The following MEGF6 variants were observed in gnomAD, a reference collection of about 807,000 sequenced individuals.
MEGF6 encodes multiple EGF like domains 6.
Under a neutral mutation model 207.1 loss-of-function variants are expected in MEGF6, and 184 were observed. That is an observed-to-expected ratio of 0.89 (90% CI 0.79 to 1.00). The LOEUF (loss-of-function observed/expected upper bound fraction) is 1.00. Ranked by LOEUF, MEGF6 falls within the 50% of genes least tolerant of loss-of-function variation. The pLI is 0.00. For synonymous variants in MEGF6, 1,038 were observed against 910.0 expected, an observed-to-expected ratio of 1.14 and a Z score of -2.53; for missense variants, 2,282 against 2,202.9, an observed-to-expected ratio of 1.04 and a Z score of -0.72.
At chr1:3,577,531 G>T (rs548279896) in intron 4 of MEGF6, among the ~76,000 whole-genome samples, 133 of 152,348 alleles carry the variant, frequency 8.7e-4, no homozygotes, top group African/African-American at 3.1e-3. Context: ...GTGTGGAGCT[G>T]ATGAGGTGAC....
chr1:3,516,410 T>C (rs1353514840), intron 5 of MEGF6, among the ~76,000 whole-genome samples: 1 of 152,212 alleles, frequency 6.6e-6, no homozygotes, highest in Admixed American at 6.5e-5. Context: ...GCCGCAAGAA[T>C]GTGCTGTTGC....
intron 4 of MEGF6, among the ~76,000 whole-genome samples, chr1:3,559,899 T>C (rs952330195): frequency 4.6e-5 from 7 of 151,440 alleles, no homozygotes; most frequent in Non-Finnish European, 5.9e-5. Context: ...TAATCCCAGC[T>C]ACTCGGGGGG....
intron 28 of MEGF6, 100 bp downstream of exon 28, chr1:3,496,888 C>T (rs1315716216): frequency 2.6e-6 from 4 of 1,519,994 alleles, no homozygotes; most frequent in South Asian, 1.2e-5. Flanking sequence ...CTCCATCTTC[C>T]ACCCCCTCAG....
In MEGF6 at chr1:3,528,702, T is replaced by G. The variant is rs147534567; in HGVS notation, c.482-4456A>C. 7.9e-4 allele frequency among the ~76,000 whole-genome samples: 120 copies of G among 152,026 alleles called. 1 individual carries two copies. The East Asian group carries it at 0.015, about 19-fold the overall frequency. On this transcript the variant is annotated intron_variant, in intron 4 of 36. Transcript: ENST00000356575. The stretch of plus-strand genomic sequence containing the variant: ...GGGAGGCAGGGATTGGCAGGTGCTG[T>G]GCTATAGGCTTTGAGGATGGAGGAG...
At chr1:3,536,937 C>T (rs901361842) in intron 4 of MEGF6, among the ~76,000 whole-genome samples, 1 of 152,258 alleles carries the variant, frequency 6.6e-6, no homozygotes, top group Non-Finnish European at 1.5e-5. Context: ...CTCCGACACC[C>T]GCTCCACAAG....
At chr1:3,523,979 A>G (rs1641862597) in intron 5 of MEGF6, 145 bp downstream of exon 5, 1 of 928,206 alleles carries the variant, frequency 1.1e-6, no homozygotes, top group Non-Finnish European at 1.6e-6. Context: ...CCATAGAGCC[A>G]TGCTCCGCAG....
intron 3 of MEGF6, among the ~76,000 whole-genome samples, chr1:3,588,363 GGGGCAGGAGT>G (rs1643925850): frequency 4.8e-4 from 8 of 16,700 alleles, no homozygotes; most frequent in Admixed American, 9.2e-4. Flanking sequence ...GGGGCAGGAG[GGGGCAGGAGT>G]GGCCAGGAGG....
At chr1:3,583,324 A>G (rs35704679) in intron 3 of MEGF6, among the ~76,000 whole-genome samples, 4,223 of 97,728 alleles carry the variant, frequency 0.043, 172 homozygotes, top group African/African-American at 0.14. Context: ...CAGACAACCC[A>G]CAGCCACCAG....
At chr1:3,616,470 G>A (rs969867641), upstream of MEGF6, among the ~76,000 whole-genome samples, 63 of 152,188 alleles carry the variant, frequency 4.1e-4, no homozygotes, top group African/African-American at 1.5e-3. Context: ...ACCCCGGACC[G>A]CCCCAGTCTG....
At position 3,508,797 on chromosome 1, in the gene MEGF6, T is replaced by G; in HGVS notation, c.1529-108A>C. 2.1e-6 allele frequency: 3 copies of G among 1,410,274 alleles called. No homozygotes were observed. In the South Asian group the frequency reaches 4.1e-5, roughly 19 times the overall value. The allele number at this position is 1,410,274 out of a possible 1,614,324, so 87.4% of individuals were successfully genotyped here. A position where few individuals can be genotyped will look rare whatever the true frequency, so the allele number is the denominator to read the frequency against. The stretch of plus-strand genomic sequence containing the variant: ...CAGGGAAGGGGCATAAGGGGCATCC[T>G]CGGCCCATGAGGGCCCCCAAAGGGT... On this transcript the variant is annotated intron_variant, in intron 12 of 36. Transcript: ENST00000356575.
At position 3,511,569 on chromosome 1, in the gene MEGF6, T is replaced by C. The variant is rs1253575227; in HGVS notation, c.1095A>G (p.Thr365=). ...GCGCACCGATGCAGGTCCTCTGATCTGTGTCCAGCTCGTAGCCGCGGGGAC... is the reference window on the plus strand; with the variant it reads ...GCGCACCGATGCAGGTCCTCTGATCCGTGTCCAGCTCGTAGCCGCGGGGAC... The part of the protein sequence containing the change: ...CTCPRGYELD[T]DQRTCIDVDD... Residue 365 remains threonine (T), a synonymous_variant, in exon 9 of 37, where the codon ACA becomes ACG. Coordinates refer to ENST00000356575, the MANE Select transcript of MEGF6 (RefSeq NM_001409.4). 1.9e-6 allele frequency: 3 copies of C among 1,610,748 alleles called. No homozygotes were observed. Among genetic ancestry groups the C allele is most frequent in the Non-Finnish European group, 2.5e-6 (3 of 1,178,438 alleles).
rs576784897 is a variant in MEGF6, at chr1:3,489,452, C to G, written c.*1076G>C. Among the ~76,000 whole-genome samples the G allele has an allele frequency of 2.0e-5, 3 of 152,224 alleles. No homozygotes were observed. Among genetic ancestry groups the G allele is most frequent in the Non-Finnish European group, 4.4e-5 (3 of 68,030 alleles). On this transcript the variant is annotated 3_prime_UTR_variant, in exon 37 of 37. Coordinates refer to ENST00000356575, the MANE Select transcript of MEGF6 (RefSeq NM_001409.4). ...AGGAGCCCCCAGCCACCACCTCTAC[C>G]CTCTGCCTCTTCCTTCCACTCTGGG...
chr1:3,534,215 G>C (rs1642259121), intron 4 of MEGF6, among the ~76,000 whole-genome samples: 1 of 152,190 alleles, frequency 6.6e-6, no homozygotes, highest in Non-Finnish European at 1.5e-5. Context: ...TTCTCAGTCA[G>C]TATGTTCTTA....
chr1:3,523,444 T>C (rs1641839494), intron 5 of MEGF6, among the ~76,000 whole-genome samples: 1 of 152,074 alleles, frequency 6.6e-6, no homozygotes, highest in Non-Finnish European at 1.5e-5. Context: ...CCTCCCTCCC[T>C]GCGGCCACAG....
At chr1:3,511,005 G>T in intron 9 of MEGF6, 103 bp from the exon 10 acceptor site, 3 of 1,466,162 alleles carry the variant, frequency 2.0e-6, no homozygotes, top group Middle Eastern at 1.8e-4. Context: ...CCACGCGCCC[G>T]ACTGCACCTG....
chr1:3,571,819 TCC>T (rs1643504466), intron 4 of MEGF6, among the ~76,000 whole-genome samples: 1 of 129,028 alleles, frequency 7.8e-6, no homozygotes, highest in Non-Finnish European at 1.6e-5. Context: ...GTGTGCTGGG[TCC>T]TGCTGGGTGT....
At chr1:3,537,706 G>C (rs1325643644) in intron 4 of MEGF6, among the ~76,000 whole-genome samples, 1 of 152,240 alleles carries the variant, frequency 6.6e-6, no homozygotes, top group African/African-American at 2.4e-5. Context: ...TGAGATTCTT[G>C]GTCCTCTCAT....
intron 4 of MEGF6, among the ~76,000 whole-genome samples, chr1:3,528,506 A>G (rs1557752208): frequency 6.6e-6 from 1 of 152,202 alleles, no homozygotes; most frequent in Non-Finnish European, 1.5e-5. Flanking sequence ...ACAGACCCTC[A>G]TATGGCAGAG....
In MEGF6 at chr1:3,494,356, AG is replaced by A. The variant is rs1640507541; in HGVS notation, c.4129+14del. ...CAAAGGGGCCCCAGCCCAGCTGCACAGGCCCCCAACTCACGGTGCTCGCAGG... is the reference window on the plus strand; with the variant it reads ...CAAAGGGGCCCCAGCCCAGCTGCACAGCCCCCAACTCACGGTGCTCGCAGG... On this transcript the variant is annotated intron_variant, in intron 32 of 36. Transcript: ENST00000356575. The A allele has an allele frequency of 6.5e-7, 1 of 1,536,822 alleles. No individual in the cohort carries two copies. The highest frequency in any genetic ancestry group is 1.2e-5 in the South Asian group (1 of 83,776).
Sources: allele counts gnomAD v4.1 joint callset (sites outside exome capture counted in the v4.1 genomes callset), GRCh38; gene constraint gnomAD v4.1.1; transcripts MANE v1.5; gene names NCBI Gene and HGNC (gene_info 2026-07-23, HGNC 2026-07-21).